Variants in RPTOR observed in about 807,000 individuals in gnomAD.
The protein encoded by RPTOR is regulatory-associated protein of mTOR.
Under a neutral mutation model 169.9 loss-of-function variants are expected in RPTOR, and 21 were observed. The ratio of observed to expected loss-of-function variants is 0.12; its 90% CI spans 0.09 to 0.18. The LOEUF is 0.18. RPTOR is among the 10% of genes least tolerant of loss of function. The pLI is 1.00. For synonymous variants in RPTOR, 732 were observed against 753.2 expected (o/e 0.97, Z 0.46); for missense variants, 1,133 against 1,855.9 (o/e 0.61, Z 7.16).
At chr17:80,705,752 T>C (rs1421497375) in intron 3 of RPTOR, among the ~76,000 whole-genome samples, 1 of 152,158 alleles carries the variant, frequency 6.6e-6, no homozygotes, top group Non-Finnish European at 1.5e-5. Context: ...CCCAGGCTGG[T>C]CTTGAACTCC....
intron 1 of RPTOR, among the ~76,000 whole-genome samples, chr17:80,568,360 T>C (rs752354833): frequency 1.3e-5 from 2 of 152,224 alleles, no homozygotes; most frequent in Non-Finnish European, 2.9e-5. Context: ...AGGTTGTCCT[T>C]ATTTCACCTT....
chr17:80,747,878 G>A (rs924278960), intron 5 of RPTOR, among the ~76,000 whole-genome samples: 2 of 152,250 alleles, frequency 1.3e-5, no homozygotes, highest in Non-Finnish European at 2.9e-5. Context: ...AAAAGTGTTA[G>A]ATTTCAGAAG....
rs2066024688 is a variant in RPTOR, at chr17:80,695,009, A to G, written c.349-12832A>G. On this transcript the variant is annotated intron_variant, in intron 3 of 33. Coordinates refer to ENST00000306801, the MANE Select transcript of RPTOR (RefSeq NM_020761.3). This position sits in a 1 kb window ranked among gnomAD's most constrained non-coding sequence, Gnocchi z 4.9. ...CTCCGTGGGTGTCATCAGGGTAGTG[A>G]GCAGGAAGCCTGGGGGCTGAGCTGG... is the stretch of plus-strand genomic sequence containing the variant. Among the ~76,000 whole-genome samples the G allele has an allele frequency of 6.6e-6, 1 of 152,112 alleles. No individual in the cohort carries two copies. The highest frequency in any genetic ancestry group is 1.5e-5 in the Non-Finnish European group (1 of 68,022).
At chr17:80,863,153 C>T (rs191022127) in intron 13 of RPTOR, among the ~76,000 whole-genome samples, 50 of 152,250 alleles carry the variant, frequency 3.3e-4, no homozygotes, top group East Asian at 1.5e-3. Flanking sequence ...AAGTGTGTGC[C>T]GTTTACATGA....
Position 80,861,424 on chromosome 17 carries a change from G to A in RPTOR, c.1509+3524G>A, listed in dbSNP as rs140545784. ...AGCTTGGCTTTGTGGATCAGGACGCGAGAGGTGTGGGTCATTTCTATTTTA... is the reference window on the plus strand; with the variant it reads ...AGCTTGGCTTTGTGGATCAGGACGCAAGAGGTGTGGGTCATTTCTATTTTA... On this transcript the variant is annotated intron_variant, in intron 13 of 33. Coordinates refer to ENST00000306801, the MANE Select transcript of RPTOR (RefSeq NM_020761.3). The surrounding 1 kb of genome is among the most constrained non-coding windows in gnomAD (Gnocchi z 4.5). Among the ~76,000 whole-genome samples, 333 of 144,976 alleles carry A rather than the reference G, an allele frequency of 2.3e-3. 18 individuals are homozygous for A. Among genetic ancestry groups the A allele is most frequent in the African/African-American group, 7.7e-3 (316 of 41,076 alleles).
At chr17:80,837,051 G>A (rs967354794) in intron 9 of RPTOR, among the ~76,000 whole-genome samples, 16 of 152,168 alleles carry the variant, frequency 1.1e-4, no homozygotes, top group Non-Finnish European at 1.6e-4. Flanking sequence ...CCTGAAGGAC[G>A]GGGTCGGGAG....
At chr17:80,693,927 A>T (rs975605872) in intron 3 of RPTOR, among the ~76,000 whole-genome samples, 1 of 152,266 alleles carries the variant, frequency 6.6e-6, no homozygotes, top group Non-Finnish European at 1.5e-5. Flanking sequence ...CCACGCAGCC[A>T]GCAGCTCACA....
At position 80,746,562 on chromosome 17, in the gene RPTOR, A is replaced by G. The variant is rs1345687689; in HGVS notation, c.655-7448A>G. 6.6e-6 allele frequency among the ~76,000 whole-genome samples: 1 copy of G among 152,202 alleles called. No individual in the cohort carries two copies. The highest frequency in any genetic ancestry group is 2.4e-5 in the African/African-American group (1 of 41,456). On this transcript the variant is annotated intron_variant, in intron 5 of 33. Transcript: ENST00000306801. The surrounding 1 kb of genome is among the most constrained non-coding windows in gnomAD (Gnocchi z 4.5). ...TCCAGAAGACTCTGGAGAGCATTGG[A>G]AGATGAGAGTCTTTCTTGTGTTTGA... is the stretch of plus-strand genomic sequence containing the variant.
At position 80,923,412 on chromosome 17, in the gene RPTOR, C is replaced by G; in HGVS notation, c.2625-78C>G. On this transcript the variant is annotated intron_variant, in intron 22 of 33. Transcript: ENST00000306801. ...GGCACCTGGGAGGGTGCAGGTGGCC[C>G]AGGAAGTTGTTCCATGTTCCCTCTC... 6 of 1,541,494 alleles carry G rather than the reference C, an allele frequency of 3.9e-6. No homozygotes were observed. In the South Asian group the frequency reaches 6.8e-5, roughly 17 times the overall value.
At chr17:80,559,744 C>A (rs1477339661) in intron 1 of RPTOR, among the ~76,000 whole-genome samples, 1 of 152,212 alleles carries the variant, frequency 6.6e-6, no homozygotes, top group Non-Finnish European at 1.5e-5. Context: ...CCTACCCAGC[C>A]ATGGGAAACC....
intron 3 of RPTOR, among the ~76,000 whole-genome samples, chr17:80,671,332 G>A (rs969937883): frequency 6.6e-6 from 1 of 152,178 alleles, no homozygotes; most frequent in African/African-American, 2.4e-5. Flanking sequence ...GAGAGAGAGT[G>A]TGTTCCTGCT....
At chr17:80,685,225 G>C (rs1192159883) in intron 3 of RPTOR, among the ~76,000 whole-genome samples, 1 of 106,862 alleles carries the variant, frequency 9.4e-6, no homozygotes, top group Non-Finnish European at 1.8e-5. Flanking sequence ...GTGTATGCCA[G>C]TGTGTGCAGT....
intron 7 of RPTOR, among the ~76,000 whole-genome samples, chr17:80,810,163 G>T (rs1430416388): frequency 6.6e-6 from 1 of 152,006 alleles, no homozygotes; most frequent in African/African-American, 2.4e-5. Flanking sequence ...TTTATTTTAT[G>T]ATTTGTACTT....
chr17:80,947,421 C>T lies in RPTOR; in HGVS notation c.3265+70C>T. The T allele has an allele frequency of 1.4e-6, 2 of 1,456,392 alleles. No individual in the cohort carries two copies. The highest frequency in any genetic ancestry group is 2.6e-5 in the East Asian group (1 of 38,302). 90.2% of individuals were successfully genotyped at this position (1,456,392 alleles called of 1,614,324 possible). ...GGAGTGGCGGGGAGGGTGTGTGATC[C>T]TGAGATGTGTTTGTACATCTGTCTT... On this transcript the variant is annotated intron_variant, in intron 27 of 33. Coordinates refer to ENST00000306801, the MANE Select transcript of RPTOR (RefSeq NM_020761.3). The surrounding 1 kb of genome is among the most constrained non-coding windows in gnomAD (Gnocchi z 4.4).
intron 1 of RPTOR, among the ~76,000 whole-genome samples, chr17:80,573,126 A>T (rs2143317910): frequency 6.6e-6 from 1 of 152,200 alleles, no homozygotes; most frequent in Non-Finnish European, 1.5e-5. Context: ...TATCCCATTG[A>T]TCTGCTGGTG....
Position 80,583,196 on chromosome 17 carries a change from T to TTTTTTTTTTTG in RPTOR, c.162+37406_162+37416dup, listed in dbSNP as rs1555717408. On this transcript the variant is annotated intron_variant, in intron 1 of 33. Coordinates refer to ENST00000306801, the MANE Select transcript of RPTOR (RefSeq NM_020761.3). ...GCCTCTTTCCTGTTTTTTTTTTTTT[T>TTTTTTTTTTTG]TTTTTTTTTTGAGACAGAGTCTTGC... 2.9e-3 allele frequency among the ~76,000 whole-genome samples: 400 copies of TTTTTTTTTTTG among 137,436 alleles called. 42 individuals are homozygous for TTTTTTTTTTTG. Among genetic ancestry groups the TTTTTTTTTTTG allele is most frequent in the African/African-American group, 0.01 (380 of 36,754 alleles). The allele number at this position is 137,436 out of a possible 152,430, so 90.2% of individuals were successfully genotyped here. A position where few individuals can be genotyped will look rare whatever the true frequency, so the allele number is the denominator to read the frequency against.
chr17:80,674,787 CAAAAAA>C (rs9319608), intron 3 of RPTOR, among the ~76,000 whole-genome samples: 31,943 of 90,484 alleles, frequency 0.35, 5,634 homozygotes, highest in East Asian at 0.5. Context: ...GACTCTGTCT[CAAAAAA>C]AAAAAAAAAA....
In RPTOR at chr17:80,860,197, A is replaced by C. The variant is rs2067902401; in HGVS notation, c.1509+2297A>C. On this transcript the variant is annotated intron_variant, in intron 13 of 33. Transcript: ENST00000306801. The surrounding 1 kb of genome is among the most constrained non-coding windows in gnomAD (Gnocchi z 5.8). The stretch of plus-strand genomic sequence containing the variant: ...GTCACTGGCACTGAGACCCAGCCTC[A>C]TCCTTAGCCCTGTCAGCCATGTCGC... Among the ~76,000 whole-genome samples the C allele has an allele frequency of 6.6e-6, 1 of 152,242 alleles. No individual in the cohort carries two copies. Among genetic ancestry groups the C allele is most frequent in the African/African-American group, 2.4e-5 (1 of 41,546 alleles).
In RPTOR at chr17:80,885,490, C is replaced by G. The variant is rs535787734; in HGVS notation, c.1983+342C>G. Among the ~76,000 whole-genome samples, 3 of 152,316 alleles carry G rather than the reference C, an allele frequency of 2.0e-5. No homozygotes were observed. In the East Asian group the frequency reaches 5.8e-4, roughly 29 times the overall value. ...GGAAGGTTTGTGTGCTGGGTCCCCC[C>G]CAACACCCCATGTACGTCAGCGACT... On this transcript the variant is annotated intron_variant, in intron 17 of 33. Transcript: ENST00000306801.
Sources: gnomAD v4.1 joint callset for allele counts (sites outside exome capture counted in the v4.1 genomes callset) on GRCh38, gnomAD v4.1.1 for gene constraint, Gnocchi (gnomAD v3.1) non-coding constraint, MANE v1.5 for transcripts, NCBI Gene and HGNC (gene_info 2026-07-23, HGNC 2026-07-21) for gene names.